Variants in BMPR2 observed in about 807,000 individuals in gnomAD.
BMPR2 encodes bone morphogenetic protein receptor type 2, also known as bone morphogenetic protein receptor type-2.
A neutral mutation model predicts 100.8 loss-of-function variants in BMPR2; 29 were observed. That is an observed-to-expected ratio of 0.29 (90% CI 0.21 to 0.39). BMPR2 has a LOEUF of 0.39. BMPR2 is among the 10% of genes least tolerant of loss of function. BMPR2 has a pLI of 1.00. For missense variants in BMPR2, 1,011 were observed against 1,274.5 expected (o/e 0.79, Z 3.15); for synonymous variants, 382 against 442.3 (o/e 0.86, Z 1.71).
intron 1 of BMPR2, among the ~76,000 whole-genome samples, chr2:202,421,338 C>T (rs1691258376): frequency 1.3e-5 from 2 of 150,582 alleles, no homozygotes; most frequent in African/African-American, 4.9e-5. Flanking sequence ...AGTTTAAAAC[C>T]AGGTCAGGAC....
At chr2:202,534,244 T>TTTTATTTA (rs202092877) in intron 9 of BMPR2, among the ~76,000 whole-genome samples, 1 of 147,878 alleles carries the variant, frequency 6.8e-6, no homozygotes, top group African/African-American at 2.5e-5. Flanking sequence ...TAAATAAAAT[T>TTTTATTTA]TTTATTTATT....
intron 1 of BMPR2, among the ~76,000 whole-genome samples, chr2:202,378,252 G>T (rs913675255): frequency 6.6e-6 from 1 of 152,178 alleles, no homozygotes; most frequent in African/African-American, 2.4e-5. Context: ...AAAGTCTAAA[G>T]GGTGGTAGTC....
rs1443425461 is a variant in BMPR2, at chr2:202,514,972, T to C, written c.614T>C (p.Leu205Pro). 4 of 1,614,084 alleles carry C rather than the reference T, an allele frequency of 2.5e-6. No homozygotes were observed. Among genetic ancestry groups the C allele is most frequent in the Middle Eastern group, 1.6e-4 (1 of 6,062 alleles). Residue 205 changes from leucine (L) to proline (P), a missense_variant, in exon 5 of 13, where the codon CTG (leucine) becomes CCG (proline). Around this residue, in one of 6 missense-constraint regions of BMPR2, gnomAD observed 355 missense variants for 455.3 expected, o/e 0.78. Transcript: ENST00000374580. ...EPSLDLDNLK[L>P]LELIGRGRYG... ...TCTCTTGATCTAGATAATCTGAAAC[T>C]GTTGGAGGTAAGTTTGCCGTTAGAT...
rs549281044 is a variant in BMPR2, at chr2:202,377,483, C to A, written c.9C>A (p.Ser3=). ...TCTTGGCTGGCCCAGGGATGACTTC[C>A]TCGCTGCAGCGGCCCTGGCGGGTGC... MT[S]SLQRPWRVPW... Residue 3 remains serine, a synonymous_variant, in exon 1 of 13, where the codon TCC becomes TCA. Transcript: ENST00000374580. 843 of 1,614,276 alleles carry A rather than the reference C, an allele frequency of 5.2e-4. 15 individuals are homozygous for A. In the South Asian group the frequency reaches 8.0e-3, roughly 15 times the overall value.
At chr2:202,392,459 AC>A (rs1690569772) in intron 1 of BMPR2, among the ~76,000 whole-genome samples, 1 of 152,102 alleles carries the variant, frequency 6.6e-6, no homozygotes, top group East Asian at 1.9e-4. Context: ...AGAAAGTGTT[AC>A]ATTTGAGTTG....
intron 3 of BMPR2, among the ~76,000 whole-genome samples, chr2:202,489,220 C>T (rs543420426): frequency 1.3e-3 from 193 of 152,232 alleles, no homozygotes; most frequent in African/African-American, 4.5e-3. Flanking sequence ...CCAGGCTGGT[C>T]TCAAACTCCT....
chr2:202,559,674 T>A, intron 12 of BMPR2, 22 bp from the exon 13 acceptor site: 1 of 1,613,120 alleles, frequency 6.2e-7, no homozygotes, highest in South Asian at 1.1e-5. Context: ...AATAGCTCAT[T>A]TTTCTGCACT....
rs142564629 is a variant in BMPR2, at chr2:202,469,758, C to T, written c.418+2069C>T. Among the ~76,000 whole-genome samples the T allele has an allele frequency of 4.2e-3, 633 of 152,188 alleles. 3 individuals carry two copies. Among genetic ancestry groups the T allele is most frequent in the African/African-American group, 0.015 (610 of 41,518 alleles). On this transcript the variant is annotated intron_variant, in intron 3 of 12. Coordinates refer to ENST00000374580, the MANE Select transcript of BMPR2 (RefSeq NM_001204.7). ...TCGGCCTCCCAAAGTGCTGAGACTA[C>T]AGGCCTGAGCCACCGCGCCCGGCCC...
intron 3 of BMPR2, among the ~76,000 whole-genome samples, chr2:202,498,391 C>G (rs1368729192): frequency 6.6e-6 from 1 of 152,208 alleles, no homozygotes; most frequent in Admixed American, 6.5e-5. Flanking sequence ...TTCCGATCAG[C>G]AGGGTCCAGG....
intron 1 of BMPR2, among the ~76,000 whole-genome samples, chr2:202,423,802 C>T (rs912467204): frequency 6.6e-6 from 1 of 152,092 alleles, no homozygotes; most frequent in Admixed American, 6.6e-5. Context: ...TGGCTGTAGT[C>T]CCAGCACTTT....
chr2:202,377,131 G>T lies in BMPR2; in HGVS notation c.-344G>T, dbSNP rs981368884. On this transcript the variant is annotated 5_prime_UTR_variant, in exon 1 of 13. Transcript: ENST00000374580. ...CTGGATATGTTTTCTCCCAGACCTG[G>T]ATATTTTTTTGATATCGTGAAACTA... The T allele has an allele frequency of 6.3e-5, 37 of 587,172 alleles. No individual in the cohort carries two copies. The East Asian group carries it at 8.8e-4, about 14-fold the overall frequency. 36.4% of individuals were successfully genotyped at this position (587,172 alleles called of 1,614,324 possible). A position where few individuals can be genotyped will look rare whatever the true frequency, so the allele number is the denominator to read the frequency against.
chr2:202,530,050 C>A (rs1687992175), intron 7 of BMPR2, among the ~76,000 whole-genome samples: 1 of 152,096 alleles, frequency 6.6e-6, no homozygotes, highest in Admixed American at 6.6e-5. Context: ...TTCTTTCAGT[C>A]AGCAATCATT....
chr2:202,558,412 T>A (rs773260137), intron 12 of BMPR2, among the ~76,000 whole-genome samples: 4 of 152,024 alleles, frequency 2.6e-5, no homozygotes, highest in African/African-American at 4.8e-5. Context: ...GCGCCCAGCC[T>A]ATTTCTCTTT....
rs1038354587 is a variant in BMPR2, at chr2:202,376,335, C to A, written c.-1140C>A. On this transcript the variant is annotated 5_prime_UTR_variant, in exon 1 of 13. Coordinates refer to ENST00000374580, the MANE Select transcript of BMPR2 (RefSeq NM_001204.7). ...AGACTGGCAGCTGCGGCGACTCCCC[C>A]CTTTGTGTCTGGTCTGCTCGGAGCC... Among the ~76,000 whole-genome samples the A allele has an allele frequency of 6.8e-6, 1 of 146,712 alleles. No individual in the cohort carries two copies. Among genetic ancestry groups the A allele is most frequent in the Non-Finnish European group, 1.5e-5 (1 of 66,306 alleles).
intron 1 of BMPR2, among the ~76,000 whole-genome samples, chr2:202,433,801 G>C (rs1443376444): frequency 6.7e-6 from 1 of 150,332 alleles, no homozygotes; most frequent in Admixed American, 6.6e-5. Flanking sequence ...CCAGCTGCTC[G>C]GGAGGCTGAG....
In BMPR2 at chr2:202,377,539, G is replaced by A. The variant is rs1227742705; in HGVS notation, c.65G>A (p.Ser22Asn). The change falls in exon 1 of 13, where the codon AGC (serine) becomes AAC (asparagine). Residue 22 changes from serine (S) to asparagine (N), a missense_variant. By Grantham distance (46) the Ser-to-Asn change is conservative. Transcript: ENST00000374580. ...PWLPWTILLV[S>N]TAAASQNQER... ...CTACCATGGACCATCCTGCTGGTCA[G>A]CACTGCGGCTGGTGAGTAGCTCCGG... The A allele has an allele frequency of 1.2e-6, 2 of 1,614,216 alleles. No homozygotes were observed.
chr2:202,501,764 C>T (rs561876678), intron 3 of BMPR2, among the ~76,000 whole-genome samples: 35 of 152,358 alleles, frequency 2.3e-4, no homozygotes, highest in African/African-American at 8.2e-4. Flanking sequence ...ATACCAGGCA[C>T]TACTCCTTGA....
At position 202,495,393 on chromosome 2, in the gene BMPR2, C is replaced by T. The variant is rs1379560086; in HGVS notation, c.419-18326C>T. Among the ~76,000 whole-genome samples, 3 of 152,218 alleles carry T rather than the reference C, an allele frequency of 2.0e-5. No homozygotes were observed. Among genetic ancestry groups the T allele is most frequent in the Admixed American group, 6.5e-5 (1 of 15,286 alleles). On this transcript the variant is annotated intron_variant, in intron 3 of 12. Coordinates refer to ENST00000374580, the MANE Select transcript of BMPR2 (RefSeq NM_001204.7). The surrounding 1 kb of genome is among the most constrained non-coding windows in gnomAD (Gnocchi z 4.5). The stretch of plus-strand genomic sequence containing the variant: ...CTCCGCGTCGTTGTCGTTCTGTCGA[C>T]GGCCTGCCGGCGTGCGGGTGCCTAT...
chr2:202,535,826 C>T (rs1688144759), intron 9 of BMPR2, among the ~76,000 whole-genome samples: 1 of 152,238 alleles, frequency 6.6e-6, no homozygotes, highest in African/African-American at 2.4e-5. Flanking sequence ...ACTCCGTCTG[C>T]AATCCCGGCA....
Sources: gnomAD v4.1 joint callset for allele counts (sites outside exome capture counted in the v4.1 genomes callset) on GRCh38, gnomAD v4.1.1 for gene constraint, gnomAD v4.1.1 regional missense constraint, Gnocchi (gnomAD v3.1) non-coding constraint, MANE v1.5 for transcripts, NCBI Gene and HGNC (gene_info 2026-07-23, HGNC 2026-07-21) for gene names.